Variants in KIF6 observed in about 807,000 individuals in gnomAD.
The protein encoded by KIF6 is kinesin family member 6.
In KIF6, 106 loss-of-function variants were observed where a neutral mutation model predicts 112.7. The observed-to-expected ratio is 0.94, with a 90% CI of 0.80 to 1.11. KIF6 has a LOEUF of 1.11. KIF6 is among the 50% of genes least tolerant of loss of function. The pLI, the probability that KIF6 is intolerant of heterozygous loss-of-function variation, is 0.00. For synonymous variants in KIF6, 339 were observed against 339.9 expected (o/e 1.00, Z 0.03); for missense variants, 929 against 964.0 (o/e 0.96, Z 0.48).
chr6:39,695,914 G>C (rs1346036706), intron 3 of KIF6, among the ~76,000 whole-genome samples: 3 of 152,048 alleles, frequency 2.0e-5, no homozygotes, highest in African/African-American at 7.2e-5. Context: ...CATCAACGGT[G>C]GACTGGATAA....
In KIF6 at chr6:39,514,490, T is replaced by C. The variant is rs1582024695; in HGVS notation, c.1645+25513A>G. ...TGTAGGGCACAGAATTGGAAAATAATGCAAATGAGTTCTCTCAATGTCTAT... is the reference window on the plus strand; with the variant it reads ...TGTAGGGCACAGAATTGGAAAATAACGCAAATGAGTTCTCTCAATGTCTAT... On this transcript the variant is annotated intron_variant, in intron 13 of 22. Transcript: ENST00000287152. Among the ~76,000 whole-genome samples the C allele has an allele frequency of 2.0e-5, 3 of 152,224 alleles. No homozygotes were observed. The East Asian group carries it at 5.8e-4, about 29-fold the overall frequency.
At chr6:39,367,828 T>A (rs1429989924) in intron 16 of KIF6, among the ~76,000 whole-genome samples, 1 of 152,132 alleles carries the variant, frequency 6.6e-6, no homozygotes, top group East Asian at 1.9e-4. Flanking sequence ...TGCAGAATAG[T>A]TTTTTTGGTT....
At chr6:39,534,995 T>C (rs1366084668) in intron 13 of KIF6, among the ~76,000 whole-genome samples, 1 of 151,832 alleles carries the variant, frequency 6.6e-6, no homozygotes, top group Non-Finnish European at 1.5e-5. Flanking sequence ...TAAAATACTT[T>C]ACAGACAAGC....
intron 10 of KIF6, among the ~76,000 whole-genome samples, chr6:39,569,829 G>T (rs896469996): frequency 2.6e-5 from 4 of 152,220 alleles, no homozygotes; most frequent in African/African-American, 4.8e-5. Flanking sequence ...ACCTTCCTGA[G>T]GGATTATTTA....
chr6:39,404,393 G>C (rs962534165), intron 15 of KIF6, among the ~76,000 whole-genome samples: 1 of 148,080 alleles, frequency 6.8e-6, no homozygotes, highest in Non-Finnish European at 1.5e-5. Flanking sequence ...TCAGTACATG[G>C]ATATCCAATT....
chr6:39,466,417 A>G (rs1289824384), intron 13 of KIF6, among the ~76,000 whole-genome samples: 1 of 152,246 alleles, frequency 6.6e-6, no homozygotes, highest in Non-Finnish European at 1.5e-5. Context: ...AATCAAAGTC[A>G]GTGAAAATTA....
At chr6:39,417,742 GA>G (rs11323735) in intron 15 of KIF6, among the ~76,000 whole-genome samples, 145,812 of 152,284 alleles carry the variant, frequency 0.96, 69,822 homozygotes, top group East Asian at 1. Flanking sequence ...TACTCAGAGT[GA>G]AAAAACTAAG....
chr6:39,477,210 G>A (rs1464326530), intron 13 of KIF6, among the ~76,000 whole-genome samples: 1 of 152,190 alleles, frequency 6.6e-6, no homozygotes, highest in African/African-American at 2.4e-5. Flanking sequence ...AGAACCCCCT[G>A]TGTTGACAAG....
chr6:39,651,160 A>T (rs1785447512), intron 3 of KIF6, among the ~76,000 whole-genome samples: 1 of 152,240 alleles, frequency 6.6e-6, no homozygotes, highest in Non-Finnish European at 1.5e-5. Flanking sequence ...TTATAATTAG[A>T]GAGGCCAAGT....
intron 6 of KIF6, among the ~76,000 whole-genome samples, chr6:39,611,995 C>T (rs529659061): frequency 6.6e-6 from 1 of 152,162 alleles, no homozygotes; most frequent in South Asian, 2.1e-4. Context: ...ACCTTAAATC[C>T]ATATATATGG....
intron 19 of KIF6, among the ~76,000 whole-genome samples, chr6:39,355,367 CAG>C (rs1764564641): frequency 3.3e-5 from 5 of 151,562 alleles, no homozygotes; most frequent in African/African-American, 1.2e-4. Context: ...CTGGCACCAA[CAG>C]CCAGATTGGA....
intron 13 of KIF6, among the ~76,000 whole-genome samples, chr6:39,484,129 T>C (rs1380913818): frequency 1.3e-5 from 2 of 152,170 alleles, no homozygotes; most frequent in East Asian, 3.8e-4. Context: ...ATTCGCTACA[T>C]ACCACCCTCC....
At chr6:39,714,487 A>ATTTTG (rs374287011) in intron 3 of KIF6, among the ~76,000 whole-genome samples, 1 of 152,136 alleles carries the variant, frequency 6.6e-6, no homozygotes, top group Non-Finnish European at 1.5e-5. Context: ...TTGCTGCGTT[A>ATTTTG]TTTTGTTTTG....
intron 3 of KIF6, among the ~76,000 whole-genome samples, chr6:39,649,721 TAAAGAAAGAAAG>T (rs78847578): frequency 0.037 from 2,186 of 59,404 alleles, 52 homozygotes; most frequent in African/African-American, 0.091. Context: ...ACACTCTGAT[TAAAGAAAGAAAG>T]AAAGAAAGAA....
chr6:39,618,950 C>T (rs542838321), intron 5 of KIF6, among the ~76,000 whole-genome samples: 128 of 152,312 alleles, frequency 8.4e-4, no homozygotes, highest in African/African-American at 2.8e-3. Context: ...CTGAAATGCA[C>T]AAAACCAATC....
intron 17 of KIF6, among the ~76,000 whole-genome samples, chr6:39,361,789 C>T (rs577012462): frequency 2.8e-5 from 3 of 108,554 alleles, no homozygotes; most frequent in African/African-American, 7.0e-5. Context: ...GGGGCAGGGG[C>T]GGTGGTGCAT....
intron 13 of KIF6, among the ~76,000 whole-genome samples, chr6:39,493,922 G>A (rs1159235460): frequency 6.6e-6 from 1 of 152,192 alleles, no homozygotes; most frequent in African/African-American, 2.4e-5. Context: ...ACAGTTTGGT[G>A]AGGTCTTGGC....
chr6:39,519,228 C>T (rs1461286492), intron 13 of KIF6, among the ~76,000 whole-genome samples: 1 of 152,070 alleles, frequency 6.6e-6, no homozygotes, highest in Non-Finnish European at 1.5e-5. Flanking sequence ...ATCTGAAAAA[C>T]TTCCAATGGA....
At chr6:39,508,539 A>C (rs9367015) in intron 13 of KIF6, among the ~76,000 whole-genome samples, 30,179 of 151,926 alleles carry the variant, frequency 0.2, 3,322 homozygotes, top group African/African-American at 0.3. Context: ...GTCTTTGCAA[A>C]TGGCAGACCC....
Sources: allele counts gnomAD v4.1 joint callset (sites outside exome capture counted in the v4.1 genomes callset), GRCh38; gene constraint gnomAD v4.1.1; transcripts MANE v1.5; gene names NCBI Gene and HGNC (gene_info 2026-07-23, HGNC 2026-07-21).